TOX: variants seen among roughly 807,000 people sequenced by gnomAD.
The protein encoded by TOX is thymocyte selection-associated high mobility group box protein TOX.
In TOX, 11 loss-of-function variants were observed where a neutral mutation model predicts 53.7. The observed-to-expected ratio is 0.20, with a 90% confidence interval of 0.13 to 0.34. The LOEUF is 0.34. Among genes scored for constraint, TOX ranks in the 10% least tolerant of loss-of-function variants. The pLI is 1.00. For synonymous variants in TOX, 225 were observed against 245.3 expected (o/e 0.92, Z 0.77); for missense variants, 570 against 664.6 (o/e 0.86, Z 1.56).
At chr8:59,044,176 C>G (rs1803644589) in intron 1 of TOX, among the ~76,000 whole-genome samples, 1 of 145,940 alleles carries the variant, frequency 6.9e-6, no homozygotes, top group South Asian at 2.2e-4. Context: ...ATGGTGGTAT[C>G]CTTAAAGGCT....
chr8:58,975,667 T>C (rs1289229778), intron 1 of TOX, among the ~76,000 whole-genome samples: 2 of 152,220 alleles, frequency 1.3e-5, no homozygotes, highest in African/African-American at 4.8e-5. Flanking sequence ...ACCTGAGCCT[T>C]CAGCAAGTCA....
chr8:59,118,199 T>C lies in TOX; in HGVS notation c.102+687A>G, dbSNP rs544050761. 1.2e-4 allele frequency among the ~76,000 whole-genome samples: 19 copies of C among 152,294 alleles called. No homozygotes were observed. The highest frequency in any genetic ancestry group is 4.6e-4 in the African/African-American group (19 of 41,574). ...AGCTTTGGACTTGAACGCGACGTGC[T>C]CGCCCGGCTCCCAACAAACTTGCAA... On this transcript the variant is annotated intron_variant, in intron 1 of 8. Coordinates refer to ENST00000361421, the MANE Select transcript of TOX (RefSeq NM_014729.3). This position sits in a 1 kb window ranked among gnomAD's most constrained non-coding sequence, Gnocchi z 4.1.
intron 1 of TOX, among the ~76,000 whole-genome samples, chr8:59,011,166 T>TA (rs1220380244): frequency 6.6e-6 from 1 of 152,216 alleles, no homozygotes; most frequent in African/African-American, 2.4e-5. Flanking sequence ...AACATAAAGA[T>TA]ACAGGTAGTA....
chr8:58,882,765 G>A (rs968507514), intron 3 of TOX, among the ~76,000 whole-genome samples: 1 of 152,232 alleles, frequency 6.6e-6, no homozygotes, highest in African/African-American at 2.4e-5. Context: ...GCACAGGCTT[G>A]ACAAATACAT....
In TOX at chr8:58,851,343, A is replaced by G. The variant is rs1466536910; in HGVS notation, c.693+181T>C. On this transcript the variant is annotated intron_variant, in intron 4 of 8. Coordinates refer to ENST00000361421, the MANE Select transcript of TOX (RefSeq NM_014729.3). This position sits in a 1 kb window ranked among gnomAD's most constrained non-coding sequence, Gnocchi z 4.4. Reference sequence around the variant, plus strand: ...TTTAAAGGATTTCTCAGGGGCTTTAAAGTGTAATTGGACAAGCAGGTGGTT... The same window carrying G: ...TTTAAAGGATTTCTCAGGGGCTTTAGAGTGTAATTGGACAAGCAGGTGGTT... Among the ~76,000 whole-genome samples, 1 of 152,098 alleles carries G rather than the reference A, an allele frequency of 6.6e-6. No homozygotes were observed. Among genetic ancestry groups the G allele is most frequent in the Non-Finnish European group, 1.5e-5 (1 of 68,010 alleles).
intron 1 of TOX, among the ~76,000 whole-genome samples, chr8:58,989,735 T>C (rs1813405611): frequency 1.3e-5 from 2 of 152,190 alleles, no homozygotes; most frequent in Admixed American, 6.5e-5. Context: ...ATATAAGCTA[T>C]TTTCAAATGA....
rs752063369 is a variant in TOX at position 58,838,265 on chromosome 8, G to T, written c.740C>A (p.Pro247Gln). Residue 247 changes from proline to glutamine, a missense_variant, in exon 5 of 9, where the codon CCA becomes CAA. Around this residue, in one of 3 missense-constraint regions of TOX, gnomAD observed 282 missense variants for 315.0 expected, o/e 0.90. Coordinates refer to ENST00000361421, the MANE Select transcript of TOX (RefSeq NM_014729.3). ...CTTCTTCTTCTTTTTGGGAGTTTTT[G>T]GTTTTTTCCCCATATCAGAGGCAGG... The part of the protein sequence containing the change: ...KRPASDMGKK[P>Q]KTPKKKKKKD... 10 of 1,613,960 alleles carry T rather than the reference G, an allele frequency of 6.2e-6. No homozygotes were observed. Among genetic ancestry groups the T allele is most frequent in the South Asian group, 1.1e-5 (1 of 91,066 alleles).
intron 1 of TOX, among the ~76,000 whole-genome samples, chr8:59,097,646 TAACTC>T (rs1461747096): frequency 6.6e-6 from 1 of 152,186 alleles, no homozygotes; most frequent in Non-Finnish European, 1.5e-5. Flanking sequence ...ATAACTCAAA[TAACTC>T]AACAGTTAAC....
intron 1 of TOX, among the ~76,000 whole-genome samples, chr8:58,991,280 A>G (rs1375307037): frequency 1.3e-5 from 2 of 152,232 alleles, no homozygotes; most frequent in Non-Finnish European, 2.9e-5. Flanking sequence ...CTGCTCATTT[A>G]GGACAGGATT....
At chr8:59,114,711 G>T (rs1234233678) in intron 1 of TOX, among the ~76,000 whole-genome samples, 2 of 151,996 alleles carry the variant, frequency 1.3e-5, no homozygotes, top group African/African-American at 4.8e-5. Flanking sequence ...ACTCCTCCTT[G>T]ACCTACTCTT....
At chr8:58,929,030 A>C (rs1336448022) in intron 3 of TOX, among the ~76,000 whole-genome samples, 1 of 152,156 alleles carries the variant, frequency 6.6e-6, no homozygotes, top group Non-Finnish European at 1.5e-5. Flanking sequence ...AATGTAACAC[A>C]TTTTGAGAGG....
At chr8:58,852,964 C>A (rs974267920) in intron 3 of TOX, among the ~76,000 whole-genome samples, 4 of 152,076 alleles carry the variant, frequency 2.6e-5, no homozygotes, top group Admixed American at 2.6e-4. Flanking sequence ...ATTAAGTAAC[C>A]TAGTCATAGG....
At chr8:58,824,674 C>T (rs967525767) in intron 6 of TOX, among the ~76,000 whole-genome samples, 4 of 152,188 alleles carry the variant, frequency 2.6e-5, no homozygotes, top group Non-Finnish European at 5.9e-5. Context: ...TTTATCTCCT[C>T]CAGAATACTT....
chr8:59,043,529 C>T (rs1803631842), intron 1 of TOX, among the ~76,000 whole-genome samples: 1 of 152,056 alleles, frequency 6.6e-6, no homozygotes, highest in Non-Finnish European at 1.5e-5. Context: ...AACTAATGTT[C>T]ATGCATATCA....
chr8:58,820,358 A>G (rs546037973), intron 6 of TOX, among the ~76,000 whole-genome samples: 1 of 152,252 alleles, frequency 6.6e-6, no homozygotes, highest in African/African-American at 2.4e-5. Flanking sequence ...ACAAAATCTT[A>G]TATTTGATGT....
intron 1 of TOX, among the ~76,000 whole-genome samples, chr8:59,015,063 A>G (rs1385386972): frequency 2.6e-5 from 4 of 152,230 alleles, no homozygotes; most frequent in Admixed American, 6.5e-5. Flanking sequence ...TGAGAGGATC[A>G]ACCCCCTCTG....
At chr8:58,861,383 T>C (rs1811007469) in intron 3 of TOX, among the ~76,000 whole-genome samples, 2 of 152,182 alleles carry the variant, frequency 1.3e-5, no homozygotes, top group South Asian at 4.1e-4. Context: ...TACCTATGAT[T>C]AGAATCAACG....
intron 1 of TOX, among the ~76,000 whole-genome samples, chr8:58,962,158 G>A (rs1812810417): frequency 1.3e-5 from 2 of 152,064 alleles, no homozygotes; most frequent in Admixed American, 1.3e-4. Flanking sequence ...TTGAAGTTTT[G>A]GGTTGAGTCT....
chr8:58,847,468 G>A (rs1242166561), intron 4 of TOX, among the ~76,000 whole-genome samples: 1 of 151,804 alleles, frequency 6.6e-6, no homozygotes, highest in Non-Finnish European at 1.5e-5. Flanking sequence ...ATTACGAGCT[G>A]GAAAATAAGT....
Sources: gnomAD v4.1 joint callset for allele counts (sites outside exome capture counted in the v4.1 genomes callset) on GRCh38, gnomAD v4.1.1 for gene constraint, gnomAD v4.1.1 regional missense constraint, Gnocchi (gnomAD v3.1) non-coding constraint, MANE v1.5 for transcripts, NCBI Gene and HGNC (gene_info 2026-07-23, HGNC 2026-07-21) for gene names.